Variants in GPC6 observed in about 807,000 individuals in gnomAD.
GPC6 encodes the protein glypican-6.
In GPC6, 14 loss-of-function variants were observed where a neutral mutation model predicts 55.2. The observed-to-expected ratio is 0.25, with a 90% CI of 0.17 to 0.40. GPC6 has a LOEUF of 0.40. Ranked by LOEUF, GPC6 falls within the 10% of genes least tolerant of loss-of-function variation. GPC6 has a pLI of 1.00. For synonymous variants in GPC6, 278 were observed against 259.6 expected (o/e 1.07, Z -0.68); for missense variants, 641 against 708.5 (o/e 0.90, Z 1.08).
intron 4 of GPC6, among the ~76,000 whole-genome samples, chr13:94,265,502 C>T (rs2139054784): frequency 6.6e-6 from 1 of 152,240 alleles, no homozygotes; most frequent in Middle Eastern, 3.4e-3. Flanking sequence ...GGTGGATCGG[C>T]CTTTCCCAGT....
At chr13:93,670,078 T>C (rs1172141540) in intron 2 of GPC6, among the ~76,000 whole-genome samples, 3 of 152,150 alleles carry the variant, frequency 2.0e-5, no homozygotes, top group African/African-American at 7.2e-5. Context: ...AGGTGATCCA[T>C]TAAGGACTTG....
chr13:94,216,892 C>T (rs927609796), intron 4 of GPC6, among the ~76,000 whole-genome samples: 6 of 152,152 alleles, frequency 3.9e-5, no homozygotes, highest in African/African-American at 1.4e-4. Flanking sequence ...AGAAACACAA[C>T]CTTATGTAGA....
intron 2 of GPC6, among the ~76,000 whole-genome samples, chr13:93,817,121 C>T (rs900475159): frequency 1.6e-4 from 24 of 152,108 alleles, no homozygotes; most frequent in African/African-American, 5.3e-4. Flanking sequence ...ATTTGGAATC[C>T]CAGCTCCATC....
intron 1 of GPC6, among the ~76,000 whole-genome samples, chr13:93,485,914 G>C (rs1030222107): frequency 1.3e-5 from 2 of 152,100 alleles, no homozygotes; most frequent in African/African-American, 4.8e-5. Flanking sequence ...TATTATATCA[G>C]CAAGATCATT....
At chr13:93,719,434 G>A (rs1166394624) in intron 2 of GPC6, among the ~76,000 whole-genome samples, 1 of 152,062 alleles carries the variant, frequency 6.6e-6, no homozygotes, top group Non-Finnish European at 1.5e-5. Context: ...CATTGATTTT[G>A]TATCCTGAAA....
chr13:93,702,736 G>A (rs903127016), intron 2 of GPC6, among the ~76,000 whole-genome samples: 11 of 151,964 alleles, frequency 7.2e-5, no homozygotes, highest in African/African-American at 2.7e-4. Context: ...TCTGATAGTG[G>A]AGACAGCTTC....
intron 1 of GPC6, among the ~76,000 whole-genome samples, chr13:93,329,566 C>A (rs553847828): frequency 6.6e-6 from 1 of 152,252 alleles, no homozygotes; most frequent in South Asian, 2.1e-4. Context: ...TAAGATTCAA[C>A]TTTATAAGTG....
intron 2 of GPC6, among the ~76,000 whole-genome samples, chr13:93,560,426 G>A (rs1283596060): frequency 6.6e-6 from 1 of 152,008 alleles, no homozygotes; most frequent in African/African-American, 2.4e-5. Context: ...AGGCTGAGTG[G>A]GGAGGATCAC....
chr13:94,227,805 C>T (rs1253725466), intron 4 of GPC6, among the ~76,000 whole-genome samples: 2 of 151,946 alleles, frequency 1.3e-5, no homozygotes, highest in Non-Finnish European at 1.5e-5. Context: ...AGGCTGATGA[C>T]GTAGACACCA....
rs71736430 is a variant in GPC6, at chr13:93,744,528, C to CTTTTTTTTTTTTTTTTTTT, written c.320-85618_320-85600dup. 5.1e-5 allele frequency among the ~76,000 whole-genome samples: 5 copies of CTTTTTTTTTTTTTTTTTTT among 97,234 alleles called. 1 individual carries two copies. The highest frequency in any genetic ancestry group is 2.2e-4 in the African/African-American group (5 of 22,412). 63.8% of individuals were successfully genotyped at this position (97,234 alleles called of 152,430 possible). ...TTCCTCCAAACCTGCTTTCCCTAGTCTTTTTTTTTTTTTTTTTTTTTTTTT... is the reference window on the plus strand; with the variant it reads ...TTCCTCCAAACCTGCTTTCCCTAGTCTTTTTTTTTTTTTTTTTTTTTTTTTTTTTTTTTTTTTTTTTTTT... On this transcript the variant is annotated intron_variant, in intron 2 of 8. Transcript: ENST00000377047.
rs1385332309 is a variant in GPC6, at chr13:93,435,266, C to T, written c.161-109997C>T. ...AGTAGCTGGGACTACAGGCATGAGACACCATGCCCAGCTATTATTATTATT... is the reference window on the plus strand; with the variant it reads ...AGTAGCTGGGACTACAGGCATGAGATACCATGCCCAGCTATTATTATTATT... On this transcript the variant is annotated intron_variant, in intron 1 of 8. Coordinates refer to ENST00000377047, the MANE Select transcript of GPC6 (RefSeq NM_005708.5). 2.0e-5 allele frequency among the ~76,000 whole-genome samples: 3 copies of T among 151,986 alleles called. No individual in the cohort carries two copies. In the East Asian group the frequency reaches 5.8e-4, roughly 30 times the overall value.
intron 2 of GPC6, among the ~76,000 whole-genome samples, chr13:93,758,914 C>A (rs1884867662): frequency 6.6e-6 from 1 of 152,146 alleles, no homozygotes. Flanking sequence ...TCCTGCATTT[C>A]TTTTGAATCC....
intron 2 of GPC6, among the ~76,000 whole-genome samples, chr13:93,601,843 G>A (rs1477327805): frequency 6.6e-6 from 1 of 152,244 alleles, no homozygotes; most frequent in Non-Finnish European, 1.5e-5. Context: ...GCGATGGCAG[G>A]AACTGCCGAG....
intron 2 of GPC6, among the ~76,000 whole-genome samples, chr13:93,605,174 T>G (rs1878187065): frequency 6.6e-6 from 1 of 152,176 alleles, no homozygotes; most frequent in Non-Finnish European, 1.5e-5. Flanking sequence ...CAGATTATAG[T>G]GTAATGAAAA....
chr13:94,374,204 A>C (rs1359603363), intron 6 of GPC6, among the ~76,000 whole-genome samples: 1 of 150,236 alleles, frequency 6.7e-6, no homozygotes, highest in African/African-American at 2.4e-5. Context: ...GATCAAATTC[A>C]CACATAACAA....
intron 4 of GPC6, among the ~76,000 whole-genome samples, chr13:94,155,548 G>A (rs1308045516): frequency 6.6e-6 from 1 of 152,038 alleles, no homozygotes; most frequent in African/African-American, 2.4e-5. Context: ...AGATCCCCAA[G>A]CCCAAAACAT....
At chr13:94,294,041 C>T (rs764885308) in intron 5 of GPC6, among the ~76,000 whole-genome samples, 18 of 152,100 alleles carry the variant, frequency 1.2e-4, no homozygotes, top group Non-Finnish European at 2.4e-4. Flanking sequence ...TTCATTATTC[C>T]ACTATCTTCC....
chr13:94,030,984 C>T (rs1337969323), intron 4 of GPC6, among the ~76,000 whole-genome samples: 2 of 152,050 alleles, frequency 1.3e-5, no homozygotes, highest in Admixed American at 6.5e-5. Flanking sequence ...GTATTCCAAC[C>T]ACTACTGAAG....
At chr13:94,205,305 T>C (rs1259164553) in intron 4 of GPC6, among the ~76,000 whole-genome samples, 1 of 152,212 alleles carries the variant, frequency 6.6e-6, no homozygotes, top group South Asian at 2.1e-4. Context: ...TGTCTTTGTA[T>C]TTGTGAACAT....
Sources: allele counts gnomAD v4.1 joint callset (sites outside exome capture counted in the v4.1 genomes callset), GRCh38; gene constraint gnomAD v4.1.1; transcripts MANE v1.5; gene names NCBI Gene and HGNC (gene_info 2026-07-23, HGNC 2026-07-21).